KIF13B: variants seen among roughly 807,000 people sequenced by gnomAD.
KIF13B encodes the protein kinesin family member 13B, also known as kinesin-like protein KIF13B.
A neutral mutation model predicts 222.0 loss-of-function variants in KIF13B; 127 were observed. That is an observed-to-expected ratio of 0.57 (90% confidence interval 0.50 to 0.66). The LOEUF is 0.66. Ranked by LOEUF, KIF13B falls within the 30% of genes least tolerant of loss-of-function variation. The pLI, the probability that KIF13B is intolerant of heterozygous loss-of-function variation, is 0.00. For missense variants in KIF13B, 2,173 were observed against 2,379.0 expected (o/e 0.91, Z 1.80); for synonymous variants, 976 against 919.0 (o/e 1.06, Z -1.12).
chr8:29,175,174 A>C (rs1483916417), intron 10 of KIF13B, among the ~76,000 whole-genome samples: 2 of 152,306 alleles, frequency 1.3e-5, no homozygotes, highest in East Asian at 3.9e-4. Context: ...CACCTCTATA[A>C]ATGGGTTAAA....
chr8:29,191,675 A>C (rs1471048499), intron 3 of KIF13B, among the ~76,000 whole-genome samples: 1 of 152,262 alleles, frequency 6.6e-6, no homozygotes, highest in Non-Finnish European at 1.5e-5. Flanking sequence ...GGGATCTTAC[A>C]GATGATCTGT....
At chr8:29,125,998 C>T (rs1406478062) in intron 26 of KIF13B, among the ~76,000 whole-genome samples, 1 of 151,874 alleles carries the variant, frequency 6.6e-6, no homozygotes, top group African/African-American at 2.4e-5. Flanking sequence ...ATCCCAGCTA[C>T]TTGGTAGGCT....
In KIF13B at chr8:29,180,152, T is replaced by C. The variant is rs547397174; in HGVS notation, c.672A>G (p.Ala224=). The C allele has an allele frequency of 2.7e-5, 43 of 1,613,892 alleles. No individual in the cohort carries two copies. Among genetic ancestry groups the C allele is most frequent in the Non-Finnish European group, 3.6e-5 (42 of 1,179,890 alleles). ...NMNEESSRSH[A]VFKITLTHTL... ...TATGTGTGAGGGTGATTTTGAAAAC[T>C]GCATGGGATCGGCTACTCTCCTCGT... The change falls in exon 8 of 40, where the codon GCA becomes GCG. Residue 224 remains alanine (A), a synonymous_variant. Transcript: ENST00000524189.
intron 2 of KIF13B, among the ~76,000 whole-genome samples, chr8:29,236,084 G>A (rs924396997): frequency 6.6e-6 from 1 of 152,120 alleles, no homozygotes; most frequent in Non-Finnish European, 1.5e-5. Context: ...ACCTCAAAGT[G>A]CAGACCACAT....
chr8:29,242,264 C>A (rs2130638144), intron 2 of KIF13B, among the ~76,000 whole-genome samples: 1 of 152,144 alleles, frequency 6.6e-6, no homozygotes, highest in Middle Eastern at 3.4e-3. Context: ...ACAACAACAA[C>A]AACAAAAAAC....
At chr8:29,262,684 G>GCC (rs894119012) in intron 1 of KIF13B, among the ~76,000 whole-genome samples, 1 of 151,208 alleles carries the variant, frequency 6.6e-6, no homozygotes, top group African/African-American at 2.4e-5. Context: ...ACCTCCGGGG[G>GCC]AGACGAGAGG....
At chr8:29,147,971 G>A (rs995556707) in intron 16 of KIF13B, among the ~76,000 whole-genome samples, 10 of 152,242 alleles carry the variant, frequency 6.6e-5, no homozygotes, top group Non-Finnish European at 2.9e-5. Context: ...GCCGAGGTGG[G>A]CGGATCACCT....
In KIF13B at chr8:29,122,645, T is replaced by A. The variant is rs1225170775; in HGVS notation, c.3481A>T (p.Thr1161Ser). ...TGTGTCTCCATCCCAGGTACTGGGG[T>A]CCTAAAACGGGAAGAACAAATGGCA... Reference protein sequence around the residue: ...SGIPGAPAEWTPVPGMETHIP... With the variant: ...SGIPGAPAEWSPVPGMETHIP... The change falls in exon 29 of 40, where the codon ACC becomes TCC. Residue 1161 changes from threonine to serine, a missense_variant and splice_region_variant. Transcript: ENST00000524189. 6.2e-7 allele frequency: 1 copy of A among 1,606,628 alleles called. No individual in the cohort carries two copies. The highest frequency in any genetic ancestry group is 1.7e-5 in the Admixed American group (1 of 59,012).
chr8:29,151,536 A>G (rs895272499), intron 14 of KIF13B, among the ~76,000 whole-genome samples: 1 of 152,224 alleles, frequency 6.6e-6, no homozygotes, highest in Non-Finnish European at 1.5e-5. Context: ...GTTGATGCCA[A>G]TGCTTACTGA....
intron 34 of KIF13B, among the ~76,000 whole-genome samples, chr8:29,108,979 T>C (rs1809227051): frequency 6.6e-6 from 1 of 152,208 alleles, no homozygotes; most frequent in Non-Finnish European, 1.5e-5. Flanking sequence ...AACAATAAAC[T>C]GAAGCCACTG....
intron 2 of KIF13B, among the ~76,000 whole-genome samples, chr8:29,239,230 C>T (rs1477050651): frequency 1.3e-5 from 2 of 152,104 alleles, no homozygotes; most frequent in Non-Finnish European, 2.9e-5. Flanking sequence ...GCAACTTACA[C>T]GGAGGTGTTC....
chr8:29,248,680 C>T (rs576553592), intron 1 of KIF13B, among the ~76,000 whole-genome samples: 235 of 152,246 alleles, frequency 1.5e-3, no homozygotes, highest in African/African-American at 5.6e-3. Flanking sequence ...ATGGCAGCTA[C>T]AATTCGAGAT....
chr8:29,106,500 CGA>C (rs1809074108), intron 35 of KIF13B, among the ~76,000 whole-genome samples: 1 of 151,240 alleles, frequency 6.6e-6, no homozygotes, highest in African/African-American at 2.4e-5. Flanking sequence ...GGCGTGGTGG[CGA>C]GTGCCTGCAA....
At chr8:29,072,456 C>G (rs963194553) in intron 38 of KIF13B, 140 bp from the exon 39 acceptor site, 5 of 468,448 alleles carry the variant, frequency 1.1e-5, no homozygotes, top group African/African-American at 1.0e-4. Context: ...GAGGGCAAGA[C>G]GGAAGATCGC....
At chr8:29,139,870 T>A (rs567263399) in intron 21 of KIF13B, among the ~76,000 whole-genome samples, 193 bp downstream of exon 21, 1 of 152,168 alleles carries the variant, frequency 6.6e-6, no homozygotes, top group Non-Finnish European at 1.5e-5. Context: ...TGCATTATCA[T>A]GAGTGGGGGA....
intron 14 of KIF13B, among the ~76,000 whole-genome samples, chr8:29,152,201 AATAAGC>A (rs1811329352): frequency 6.6e-6 from 1 of 152,224 alleles, no homozygotes; most frequent in Non-Finnish European, 1.5e-5. Flanking sequence ...GATTCTTATG[AATAAGC>A]AAAGAAAGTG....
At position 29,177,583 on chromosome 8, in the gene KIF13B, A is replaced by C; in HGVS notation, c.721-5T>G. 2 of 1,586,046 alleles carry C rather than the reference A, an allele frequency of 1.3e-6. No homozygotes were observed. The highest frequency in any genetic ancestry group is 1.7e-6 in the Non-Finnish European group (2 of 1,154,400). On this transcript the variant is annotated splice_polypyrimidine_tract_variant and splice_region_variant and intron_variant, in intron 8 of 39. Transcript: ENST00000524189. The stretch of plus-strand genomic sequence containing the variant: ...GCCCACTTTCTCTCCAGATGTCTAC[A>C]AAGGAAATCAATCAATACTAATCAA...
chr8:29,221,194 C>G (rs375480890), intron 2 of KIF13B, among the ~76,000 whole-genome samples: 184 of 151,062 alleles, frequency 1.2e-3, no homozygotes, highest in Non-Finnish European at 1.6e-3. Flanking sequence ...CCTCCACCCC[C>G]CAGGTTCAAG....
chr8:29,246,178 G>A (rs560856927), intron 1 of KIF13B, among the ~76,000 whole-genome samples: 2 of 152,022 alleles, frequency 1.3e-5, no homozygotes, highest in East Asian at 1.9e-4. Flanking sequence ...TCAGGAGTTC[G>A]AGACCAGCCT....
Sources: gnomAD v4.1 joint callset for allele counts (sites outside exome capture counted in the v4.1 genomes callset) on GRCh38, gnomAD v4.1.1 for gene constraint, MANE v1.5 for transcripts, NCBI Gene and HGNC (gene_info 2026-07-23, HGNC 2026-07-21) for gene names.